The following NTM variants were observed in gnomAD, a reference collection of about 807,000 sequenced individuals.
NTM encodes neurotrimin.
NTM carries 13 observed loss-of-function variants against 42.1 expected under a neutral mutation model. That is an observed-to-expected ratio of 0.31 (90% CI 0.20 to 0.49). The LOEUF is 0.49. Ranked by LOEUF, NTM falls within the 20% of genes least tolerant of loss-of-function variation. NTM has a pLI of 0.99. For missense variants in NTM, 373 were observed against 452.8 expected (o/e 0.82, Z 1.60); for synonymous variants, 187 against 179.2 (o/e 1.04, Z -0.35).
chr11:132,191,708 C>T (rs59703548), intron 3 of NTM, among the ~76,000 whole-genome samples: 5 of 152,022 alleles, frequency 3.3e-5, no homozygotes, highest in African/African-American at 4.8e-5. Flanking sequence ...AATAAAATTT[C>T]GGATCTGAGT....
chr11:131,386,935 T>C (rs1405313971), intron 1 of NTM, among the ~76,000 whole-genome samples: 2 of 152,226 alleles, frequency 1.3e-5, no homozygotes, highest in Non-Finnish European at 2.9e-5. Flanking sequence ...ACTCCTTTCT[T>C]GCATTGCCTT....
chr11:132,142,926 C>T (rs1024297125), intron 2 of NTM, among the ~76,000 whole-genome samples: 1 of 152,096 alleles, frequency 6.6e-6, no homozygotes, highest in African/African-American at 2.4e-5. Flanking sequence ...ACAGTCCTCT[C>T]GTGTTCATCG....
intron 1 of NTM, among the ~76,000 whole-genome samples, chr11:131,622,251 C>T (rs73590431): frequency 0.043 from 6,543 of 152,106 alleles, 424 homozygotes; most frequent in African/African-American, 0.15. Flanking sequence ...GACGGGTACC[C>T]GTGAGCTGGT....
chr11:131,752,806 T>C (rs1218075302), intron 1 of NTM, among the ~76,000 whole-genome samples: 1 of 151,854 alleles, frequency 6.6e-6, no homozygotes, highest in Non-Finnish European at 1.5e-5. Flanking sequence ...AAACCGCGCA[T>C]TACCATTCAG....
intron 1 of NTM, among the ~76,000 whole-genome samples, chr11:131,447,628 G>A (rs368193994): frequency 8.5e-5 from 13 of 152,082 alleles, no homozygotes; most frequent in Admixed American, 3.9e-4. Context: ...TTGTTTCCAC[G>A]CTGCATTCTG....
At chr11:132,252,526 G>A (rs1273793913) in intron 4 of NTM, among the ~76,000 whole-genome samples, 1 of 152,194 alleles carries the variant, frequency 6.6e-6, no homozygotes, top group Non-Finnish European at 1.5e-5. Flanking sequence ...GTTTTCCATG[G>A]GGAAGCCTGG....
chr11:132,143,800 A>G (rs891759040), intron 2 of NTM, among the ~76,000 whole-genome samples: 9 of 152,174 alleles, frequency 5.9e-5, no homozygotes, highest in African/African-American at 1.4e-4. Flanking sequence ...TGTCGTTCCA[A>G]ATTCATGTTT....
At chr11:131,988,708 C>G (rs959371734) in intron 2 of NTM, among the ~76,000 whole-genome samples, 19 of 152,124 alleles carry the variant, frequency 1.2e-4, no homozygotes, top group Non-Finnish European at 2.6e-4. Context: ...ATAGGCAGTG[C>G]CTTCATTTTG....
At chr11:132,275,900 T>C (rs1158115773) in intron 4 of NTM, among the ~76,000 whole-genome samples, 1 of 151,808 alleles carries the variant, frequency 6.6e-6, no homozygotes, top group African/African-American at 2.4e-5. Context: ...TTAACCATAG[T>C]CACCCTGCAA....
At chr11:131,623,786 G>T (rs1216080326) in intron 1 of NTM, among the ~76,000 whole-genome samples, 1 of 152,220 alleles carries the variant, frequency 6.6e-6, no homozygotes, top group Non-Finnish European at 1.5e-5. Context: ...TGTGTAGGCT[G>T]GGAATGGAAA....
intron 2 of NTM, among the ~76,000 whole-genome samples, chr11:132,090,990 C>G (rs1396296297): frequency 6.6e-6 from 1 of 152,196 alleles, no homozygotes; most frequent in Non-Finnish European, 1.5e-5. Flanking sequence ...GCGGCTATTT[C>G]CAATTTTCTC....
chr11:132,088,358 A>C (rs182511742), intron 2 of NTM, among the ~76,000 whole-genome samples: 32 of 152,172 alleles, frequency 2.1e-4, no homozygotes, highest in Non-Finnish European at 3.5e-4. Context: ...ACCCTTCCTC[A>C]TGTCCCCATA....
At chr11:132,037,594 A>G (rs984025923) in intron 2 of NTM, among the ~76,000 whole-genome samples, 2 of 152,136 alleles carry the variant, frequency 1.3e-5, no homozygotes, top group East Asian at 3.9e-4. Flanking sequence ...AACAGAGGTC[A>G]TGGGATGAGG....
chr11:132,255,394 C>A lies in NTM; in HGVS notation c.526+43247C>A, dbSNP rs2092391349. Among the ~76,000 whole-genome samples the A allele has an allele frequency of 3.9e-5, 6 of 152,272 alleles. No homozygotes were observed. In the South Asian group the frequency reaches 1.2e-3, roughly 32 times the overall value. ...GATTAAGCCCTTTAAGTGATTCCTGCAGAAGTGGCTCTGACGGTGTTCCAT... is the reference window on the plus strand; with the variant it reads ...GATTAAGCCCTTTAAGTGATTCCTGAAGAAGTGGCTCTGACGGTGTTCCAT... On this transcript the variant is annotated intron_variant, in intron 4 of 8. Transcript: ENST00000683400.
chr11:132,034,537 T>G (rs1417874666), intron 2 of NTM, among the ~76,000 whole-genome samples: 2 of 152,192 alleles, frequency 1.3e-5, no homozygotes. Flanking sequence ...TGGGTTTACA[T>G]TCAATCCAGA....
chr11:132,315,922 C>CTTGCATTTTTCATGCCTTT lies in NTM; in HGVS notation c.934+1224_934+1242dup, dbSNP rs1480149966. On this transcript the variant is annotated intron_variant, in intron 7 of 8. Coordinates refer to ENST00000683400, the MANE Select transcript of NTM (RefSeq NM_001352005.2). The stretch of plus-strand genomic sequence containing the variant: ...CACACAGGGATGATCATAAGAGCCC[C>CTTGCATTTTTCATGCCTTT]TTGCATTTTTCATGCCTTTTTGCCT... Among the ~76,000 whole-genome samples, 5 of 152,008 alleles carry CTTGCATTTTTCATGCCTTT rather than the reference C, an allele frequency of 3.3e-5. No homozygotes were observed. The South Asian group carries it at 6.2e-4, about 19-fold the overall frequency.
chr11:131,981,739 G>A (rs973789937), intron 2 of NTM, among the ~76,000 whole-genome samples: 4 of 152,148 alleles, frequency 2.6e-5, no homozygotes, highest in South Asian at 2.1e-4. Flanking sequence ...GGCCTGGTGC[G>A]GTGGCTTATG....
At chr11:132,323,313 A>G (rs1231663951) in intron 7 of NTM, among the ~76,000 whole-genome samples, 1 of 152,108 alleles carries the variant, frequency 6.6e-6, no homozygotes, top group Non-Finnish European at 1.5e-5. Flanking sequence ...AGAAGAATCA[A>G]ATAGACGCAA....
intron 3 of NTM, among the ~76,000 whole-genome samples, chr11:132,183,450 C>G (rs1210297079): frequency 1.3e-5 from 2 of 151,958 alleles, no homozygotes; most frequent in Non-Finnish European, 2.9e-5. Context: ...TCATTTTTTT[C>G]TGAAGGAATT....
Sources: gnomAD v4.1 joint callset for allele counts (sites outside exome capture counted in the v4.1 genomes callset) on GRCh38, gnomAD v4.1.1 for gene constraint, MANE v1.5 for transcripts, NCBI Gene and HGNC (gene_info 2026-07-23, HGNC 2026-07-21) for gene names.